The following XDH variants were observed in gnomAD, a reference collection of about 807,000 sequenced individuals.
XDH encodes the protein xanthine dehydrogenase/oxidase.
In XDH, 138 loss-of-function variants were observed where a neutral mutation model predicts 156.1. The ratio of observed to expected loss-of-function variants is 0.88; its 90% CI spans 0.77 to 1.02. The LOEUF (loss-of-function observed/expected upper bound fraction) is 1.02. Ranked by LOEUF, XDH falls within the 50% of genes least tolerant of loss-of-function variation. The probability of loss-of-function intolerance (pLI) is 0.00; values close to 1 mark genes in which losing one functional copy is unlikely to be tolerated. For missense variants in XDH, 1,849 were observed against 1,684.9 expected, an observed-to-expected ratio of 1.10 and a Z score of -1.71; for synonymous variants, 669 against 625.7, an observed-to-expected ratio of 1.07 and a Z score of -1.03.
chr2:31,401,147 C>A, intron 4 of XDH, 73 bp downstream of exon 4: 1 of 1,559,258 alleles, frequency 6.4e-7, no homozygotes, highest in Non-Finnish European at 8.8e-7. Context: ...AGCAAGTCTG[C>A]AACTTTGGCA....
intron 6 of XDH, among the ~76,000 whole-genome samples, chr2:31,395,876 G>A (rs1397931206): frequency 6.6e-6 from 1 of 152,132 alleles, no homozygotes; most frequent in African/African-American, 2.4e-5. Flanking sequence ...CTGCTTACAT[G>A]CCAGACCAGA....
chr2:31,397,733 T>G lies in XDH; in HGVS notation c.434-4A>C, dbSNP rs1686949292. 1 of 1,614,044 alleles carries G rather than the reference T, an allele frequency of 6.2e-7. No individual in the cohort carries two copies. Among genetic ancestry groups the G allele is most frequent in the African/African-American group, 1.3e-5 (1 of 74,932 alleles). On this transcript the variant is annotated splice_polypyrimidine_tract_variant and splice_region_variant and intron_variant, in intron 5 of 35. Coordinates refer to ENST00000379416, the MANE Select transcript of XDH (RefSeq NM_000379.4). ...CCTGTGCAGCGGCACAGATTTCCTG[T>G]GGGCCAAGGAAAAAACTGCAATGTC...
rs1386529178 is a variant in XDH, at chr2:31,381,712, G to A, written c.1053C>T (p.Asn351=). The part of the protein sequence containing the change: ...QVKSVASVGG[N]IITASPISDL... ...CGGAGATGGGGCTGGCAGTGATGAT[G>A]TTCCCTCCAACGGACTAAAACAAGC... Residue 351 remains asparagine (N), a synonymous_variant, in exon 12 of 36, where the codon AAC becomes AAT. Coordinates refer to ENST00000379416, the MANE Select transcript of XDH (RefSeq NM_000379.4). 2.5e-6 allele frequency: 4 copies of A among 1,613,706 alleles called. No homozygotes were observed. The highest frequency in any genetic ancestry group is 2.2e-5 in the East Asian group (1 of 44,856).
intron 33 of XDH, 104 bp downstream of exon 33, chr2:31,341,225 T>C (rs906207258): frequency 9.2e-6 from 11 of 1,197,568 alleles, no homozygotes; most frequent in African/African-American, 1.5e-5. Flanking sequence ...TTCAGCCTGT[T>C]TGAAGACAAC....
chr2:31,372,446 C>T (rs1686100429), intron 16 of XDH, 49 bp from the exon 17 acceptor site: 1 of 1,612,074 alleles, frequency 6.2e-7, no homozygotes, highest in Admixed American at 1.7e-5. Flanking sequence ...GGACACTGCC[C>T]CTCTATGGGC....
chr2:31,384,916 C>G (rs1281797429), intron 9 of XDH, among the ~76,000 whole-genome samples: 1 of 152,190 alleles, frequency 6.6e-6, no homozygotes. Flanking sequence ...GGTGACTATG[C>G]TATTGGGGTA....
chr2:31,392,215 G>C (rs1386699643), intron 6 of XDH, among the ~76,000 whole-genome samples: 1 of 151,590 alleles, frequency 6.6e-6, no homozygotes, highest in Non-Finnish European at 1.5e-5. Context: ...CTGGCCAGAG[G>C]CTTATTAATT....
intron 31 of XDH, among the ~76,000 whole-genome samples, chr2:31,344,096 C>G (rs963442236): frequency 9.2e-5 from 14 of 152,094 alleles, no homozygotes; most frequent in African/African-American, 3.1e-4. Flanking sequence ...GTCAGATGGG[C>G]AGGGTCTCTA....
chr2:31,359,372 C>CAA (rs201239874), intron 24 of XDH, among the ~76,000 whole-genome samples: 6 of 132,606 alleles, frequency 4.5e-5, no homozygotes, highest in African/African-American at 5.5e-5. Context: ...AAACAAAAAC[C>CAA]AAAAAAAAAA....
intron 24 of XDH, among the ~76,000 whole-genome samples, chr2:31,361,680 C>T (rs1685784136): frequency 6.6e-6 from 1 of 152,170 alleles, no homozygotes; most frequent in Non-Finnish European, 1.5e-5. Context: ...CTATGACTTA[C>T]AGAAGGCAGG....
intron 23 of XDH, among the ~76,000 whole-genome samples, chr2:31,364,718 G>A (rs1685863316): frequency 6.6e-6 from 1 of 152,172 alleles, no homozygotes; most frequent in Non-Finnish European, 1.5e-5. Context: ...TTTACAGGCT[G>A]TTTTACACAC....
chr2:31,366,462 G>T (rs538445879), intron 21 of XDH, among the ~76,000 whole-genome samples: 1 of 152,340 alleles, frequency 6.6e-6, no homozygotes, highest in East Asian at 1.9e-4. Flanking sequence ...TATTTGAGCT[G>T]CTGTAGATAA....
chr2:31,389,085 G>C (rs1686691549), intron 6 of XDH, among the ~76,000 whole-genome samples: 1 of 152,228 alleles, frequency 6.6e-6, no homozygotes, highest in Admixed American at 6.5e-5. Context: ...GTTGTGCTGA[G>C]ATGAAAAAGT....
At chr2:31,363,244 G>A (rs1395852608) in intron 24 of XDH, among the ~76,000 whole-genome samples, 1 of 152,242 alleles carries the variant, frequency 6.6e-6, no homozygotes, top group Non-Finnish European at 1.5e-5. Flanking sequence ...GCTGGAGGCA[G>A]AGGTTGCAGT....
chr2:31,394,903 G>A (rs769833713), intron 6 of XDH, among the ~76,000 whole-genome samples: 4 of 152,034 alleles, frequency 2.6e-5, no homozygotes, highest in African/African-American at 4.8e-5. Context: ...TAGAATTTCC[G>A]TTCTCTGCTT....
At chr2:31,372,587 G>T (rs968644727) in intron 16 of XDH, among the ~76,000 whole-genome samples, 190 bp from the exon 17 acceptor site, 5 of 152,188 alleles carry the variant, frequency 3.3e-5, no homozygotes, top group Non-Finnish European at 5.9e-5. Context: ...TCCTAGTGTT[G>T]TTATATAAAA....
At position 31,347,723 on chromosome 2, in the gene XDH, G is replaced by A. The variant is rs541819127; in HGVS notation, c.3148-73C>T. On this transcript the variant is annotated intron_variant, in intron 28 of 35. Transcript: ENST00000379416. ...GCTTGGCTGCCTTCTCCCCAAGACAGGATTCACATTCACTGTTACAGGCAA... is the reference window on the plus strand; with the variant it reads ...GCTTGGCTGCCTTCTCCCCAAGACAAGATTCACATTCACTGTTACAGGCAA... The A allele has an allele frequency of 3.2e-6, 5 of 1,564,716 alleles. No homozygotes were observed. In the African/African-American group the frequency reaches 5.4e-5, roughly 17 times the overall value.
intron 24 of XDH, among the ~76,000 whole-genome samples, chr2:31,363,279 C>T (rs898770172): frequency 6.6e-6 from 1 of 152,118 alleles, no homozygotes; most frequent in African/African-American, 2.4e-5. Context: ...CCACTGCACT[C>T]CAGCCTGGCG....
At chr2:31,360,304 C>A (rs1685743944) in intron 24 of XDH, among the ~76,000 whole-genome samples, 1 of 152,150 alleles carries the variant, frequency 6.6e-6, no homozygotes, top group African/African-American at 2.4e-5. Context: ...TCGAGACCAG[C>A]CTGGCCAACC....
Sources: gnomAD v4.1 joint callset for allele counts (sites outside exome capture counted in the v4.1 genomes callset) on GRCh38, gnomAD v4.1.1 for gene constraint, MANE v1.5 for transcripts, NCBI Gene and HGNC (gene_info 2026-07-23, HGNC 2026-07-21) for gene names.